The following USP54 variants were observed in gnomAD, a reference collection of about 807,000 sequenced individuals.
USP54 encodes the protein ubiquitin specific peptidase 54.
A neutral mutation model predicts 170.5 loss-of-function variants in USP54; 87 were observed. The observed-to-expected ratio is 0.51, with a 90% confidence interval of 0.43 to 0.61. USP54 has a LOEUF of 0.61. USP54 is among the 20% of genes least tolerant of loss of function. USP54 has a pLI of 0.00. For missense variants in USP54, 1,786 were observed against 2,047.8 expected (o/e 0.87, Z 2.47); for synonymous variants, 655 against 742.8 (o/e 0.88, Z 1.92).
At chr10:73,582,251 T>C (rs1461261988) in intron 1 of USP54, among the ~76,000 whole-genome samples, 1 of 152,130 alleles carries the variant, frequency 6.6e-6, no homozygotes, top group Non-Finnish European at 1.5e-5. Flanking sequence ...TACAGGTTAT[T>C]AGCATAAGAG....
In USP54 at chr10:73,534,736, T is replaced by C. The variant is rs771924713; in HGVS notation, c.1179A>G (p.Thr393=). Residue 393 remains threonine, a synonymous_variant, in exon 12 of 24, where the codon ACA becomes ACG. Coordinates refer to ENST00000687698, the MANE Select transcript of USP54 (RefSeq NM_001391956.1). ...REPSISSDTR[T]DSSTESYPYK... ...AGGGATAGCTCTCCGTTGAGGAATC[T>C]GTTCGAGTGTCACTTGAGATGGAGG... 37 of 1,613,974 alleles carry C rather than the reference T, an allele frequency of 2.3e-5. No individual in the cohort carries two copies. The highest frequency in any genetic ancestry group is 3.1e-5 in the Non-Finnish European group (37 of 1,179,974).
intron 1 of USP54, among the ~76,000 whole-genome samples, chr10:73,624,158 C>CTATATA (rs2081290686): frequency 1.2e-4 from 4 of 33,008 alleles, no homozygotes; most frequent in African/African-American, 2.2e-4. Flanking sequence ...TTTTTAAAAG[C>CTATATA]CATATATATA....
intron 12 of USP54, among the ~76,000 whole-genome samples, chr10:73,533,601 T>G (rs2064528503): frequency 6.6e-6 from 1 of 150,772 alleles, no homozygotes; most frequent in African/African-American, 2.4e-5. Context: ...TCTCAAACAA[T>G]GAGCTCACAA....
At chr10:73,571,222 G>A (rs1050789458) in intron 4 of USP54, among the ~76,000 whole-genome samples, 199 bp downstream of exon 4, 1 of 149,952 alleles carries the variant, frequency 6.7e-6, no homozygotes, top group Non-Finnish European at 1.5e-5. Context: ...AAGCAAAAAA[G>A]GTTCAGTAAA....
At chr10:73,588,504 G>C (rs1041612773) in intron 1 of USP54, among the ~76,000 whole-genome samples, 2 of 152,234 alleles carry the variant, frequency 1.3e-5, no homozygotes, top group Non-Finnish European at 2.9e-5. Flanking sequence ...GATTACAGGC[G>C]TGAGCCACCG....
At chr10:73,507,530 C>G (rs1205737079) in intron 20 of USP54, among the ~76,000 whole-genome samples, 2 of 151,718 alleles carry the variant, frequency 1.3e-5, no homozygotes, top group African/African-American at 4.8e-5. Context: ...AAAAATTAGC[C>G]AGGCGTGGTG....
chr10:73,499,924 A>C (rs542297724), intron 23 of USP54: 3 of 152,328 alleles, frequency 2.0e-5, no homozygotes, highest in Admixed American at 2.0e-4. Context: ...CTTTGCAAAA[A>C]CAGTATGTTT....
At chr10:73,535,939 A>G (rs1309748645) in intron 11 of USP54, among the ~76,000 whole-genome samples, 1 of 152,248 alleles carries the variant, frequency 6.6e-6, no homozygotes, top group African/African-American at 2.4e-5. Flanking sequence ...AGTCACTGGT[A>G]AATTGCTAAT....
At chr10:73,533,077 T>C (rs1384627425) in intron 12 of USP54, among the ~76,000 whole-genome samples, 1 of 151,968 alleles carries the variant, frequency 6.6e-6, no homozygotes, top group Non-Finnish European at 1.5e-5. Flanking sequence ...GAGGCCGAGG[T>C]GGGTGGATCA....
At chr10:73,503,003 T>C (rs985509086) in intron 22 of USP54, among the ~76,000 whole-genome samples, 2 of 152,320 alleles carry the variant, frequency 1.3e-5, no homozygotes, top group East Asian at 3.9e-4. Flanking sequence ...CTCCCACTGA[T>C]GTTTACTTCC....
chr10:73,515,271 C>T (rs1030310512), intron 20 of USP54, among the ~76,000 whole-genome samples: 8 of 151,032 alleles, frequency 5.3e-5, no homozygotes, highest in African/African-American at 2.0e-4. Context: ...AGAGTTAGAA[C>T]ATATCTTTTT....
chr10:73,560,881 G>T (rs2072771267), intron 4 of USP54, among the ~76,000 whole-genome samples: 1 of 151,376 alleles, frequency 6.6e-6, no homozygotes, highest in African/African-American at 2.4e-5. Flanking sequence ...GAGGTGGGCA[G>T]ATCACAAGGT....
At chr10:73,597,220 C>T (rs1014501647) in intron 1 of USP54, among the ~76,000 whole-genome samples, 3 of 152,202 alleles carry the variant, frequency 2.0e-5, no homozygotes, top group South Asian at 2.1e-4. Flanking sequence ...AAGACAAAAA[C>T]ACAGCCCTTT....
At chr10:73,579,386 A>G (rs1193392330) in intron 1 of USP54, among the ~76,000 whole-genome samples, 1 of 152,226 alleles carries the variant, frequency 6.6e-6, no homozygotes, top group Non-Finnish European at 1.5e-5. Context: ...TTAAAAGAAA[A>G]TATTTGCAAG....
intron 1 of USP54, among the ~76,000 whole-genome samples, chr10:73,620,140 C>A (rs2080967213): frequency 6.7e-6 from 1 of 149,978 alleles, no homozygotes; most frequent in African/African-American, 2.5e-5. Context: ...TGGTGAAACT[C>A]TGTCTCTACT....
intron 4 of USP54, among the ~76,000 whole-genome samples, chr10:73,552,813 T>C (rs1231161857): frequency 6.6e-6 from 1 of 151,992 alleles, no homozygotes; most frequent in Non-Finnish European, 1.5e-5. Flanking sequence ...AACAAAAATA[T>C]AAATGTATAT....
chr10:73,579,950 C>CA (rs1297835088), intron 1 of USP54, among the ~76,000 whole-genome samples: 2 of 151,996 alleles, frequency 1.3e-5, no homozygotes, highest in South Asian at 2.1e-4. Context: ...AAAACAAAAA[C>CA]AAAAAAACTT....
At chr10:73,624,159 C>CATATATAT (rs58238181) in intron 1 of USP54, among the ~76,000 whole-genome samples, 7,789 of 69,176 alleles carry the variant, frequency 0.11, 800 homozygotes, top group Non-Finnish European at 0.16. Flanking sequence ...TTTTAAAAGC[C>CATATATAT]ATATATATAT....
intron 4 of USP54, among the ~76,000 whole-genome samples, chr10:73,568,640 A>G (rs16930703): frequency 0.035 from 5,365 of 152,260 alleles, 154 homozygotes; most frequent in South Asian, 0.11. Flanking sequence ...CAACAAATGA[A>G]GCAGTGAAGG....
Sources: allele counts gnomAD v4.1 joint callset (sites outside exome capture counted in the v4.1 genomes callset), GRCh38; gene constraint gnomAD v4.1.1; transcripts MANE v1.5; gene names NCBI Gene and HGNC (gene_info 2026-07-23, HGNC 2026-07-21).